The following VWA5B1 variants were observed in gnomAD, a reference collection of about 807,000 sequenced individuals.
VWA5B1 encodes von Willebrand factor A domain containing 5B1, also known as von Willebrand factor A domain-containing protein 5B1.
Under a neutral mutation model 118.2 loss-of-function variants are expected in VWA5B1, and 115 were observed. That is an observed-to-expected ratio of 0.97 (90% CI 0.84 to 1.14). The LOEUF is 1.14. Among genes scored for constraint, VWA5B1 ranks in the 50% most tolerant of loss-of-function variants. The pLI is 0.00. For missense variants in VWA5B1, 1,596 were observed against 1,603.8 expected, an observed-to-expected ratio of 1.00 and a Z score of 0.08; for synonymous variants, 682 against 658.4, an observed-to-expected ratio of 1.04 and a Z score of -0.55.
At position 20,357,636 on chromosome 1, in the gene VWA5B1, C is replaced by T. The variant is rs144560769; in HGVS notation, c.*3373C>T. Reference sequence around the variant, plus strand: ...CACAGTGAACATACGAGGTGCTGTCCCTGTCCTTTTTGGAGCTTGGCAAGG... The same window carrying T: ...CACAGTGAACATACGAGGTGCTGTCTCTGTCCTTTTTGGAGCTTGGCAAGG... On this transcript the variant is annotated 3_prime_UTR_variant, in exon 22 of 22. Transcript: ENST00000289815. Among the ~76,000 whole-genome samples the T allele has an allele frequency of 6.6e-6, 1 of 152,236 alleles. No homozygotes were observed. Among genetic ancestry groups the T allele is most frequent in the East Asian group, 1.9e-4 (1 of 5,174 alleles).
At chr1:20,300,185 G>A (rs933378371) in intron 1 of VWA5B1, among the ~76,000 whole-genome samples, 20 of 152,118 alleles carry the variant, frequency 1.3e-4, no homozygotes, top group African/African-American at 4.8e-4. Context: ...GGTCTTTCTG[G>A]GGATTCAGTG....
At chr1:20,340,954 G>A (rs1557438373) in intron 14 of VWA5B1, among the ~76,000 whole-genome samples, 1 of 152,070 alleles carries the variant, frequency 6.6e-6, no homozygotes, top group African/African-American at 2.4e-5. Context: ...AACAGTGCAA[G>A]GTATTTATTT....
intron 1 of VWA5B1, among the ~76,000 whole-genome samples, chr1:20,295,091 T>G (rs1371655514): frequency 6.6e-6 from 1 of 151,816 alleles, no homozygotes; most frequent in Non-Finnish European, 1.5e-5. Context: ...CACTCCTAGA[T>G]AAAGGGGTGG....
chr1:20,327,363 G>A (rs115382017), intron 8 of VWA5B1, among the ~76,000 whole-genome samples: 2,339 of 152,282 alleles, frequency 0.015, 58 homozygotes, highest in African/African-American at 0.052. Context: ...AATATGAGCT[G>A]AAGAGACTGC....
chr1:20,328,325 C>T (rs928312170), intron 9 of VWA5B1, among the ~76,000 whole-genome samples: 2 of 152,080 alleles, frequency 1.3e-5, no homozygotes, highest in South Asian at 4.2e-4. Flanking sequence ...CTGAAGCCTC[C>T]GTTTCACAAG....
chr1:20,335,026 G>A (rs2089672741), intron 12 of VWA5B1, among the ~76,000 whole-genome samples: 1 of 151,716 alleles, frequency 6.6e-6, no homozygotes, highest in Non-Finnish European at 1.5e-5. Context: ...GAATGGTTGA[G>A]GCCAGGCCAT....
At chr1:20,331,081 C>A in intron 11 of VWA5B1, 98 bp downstream of exon 11, 1 of 993,038 alleles carries the variant, frequency 1.0e-6, no homozygotes, top group Non-Finnish European at 1.5e-6. Flanking sequence ...GATGACACCC[C>A]AAATCTGAGC....
At chr1:20,337,357 G>A (rs2089747569) in intron 13 of VWA5B1, among the ~76,000 whole-genome samples, 1 of 152,106 alleles carries the variant, frequency 6.6e-6, no homozygotes, top group East Asian at 1.9e-4. Context: ...GGAACTCCTG[G>A]CCTCAAATGA....
At chr1:20,324,069 C>T (rs2089303115) in intron 8 of VWA5B1, among the ~76,000 whole-genome samples, 1 of 152,240 alleles carries the variant, frequency 6.6e-6, no homozygotes, top group Non-Finnish European at 1.5e-5. Context: ...GACATCAGAG[C>T]TTCAGTGGAC....
intron 8 of VWA5B1, among the ~76,000 whole-genome samples, chr1:20,325,323 T>C (rs2089345141): frequency 6.6e-6 from 1 of 152,254 alleles, no homozygotes; most frequent in Non-Finnish European, 1.5e-5. Flanking sequence ...CGATTTGCTC[T>C]GTGACTGTGG....
intron 3 of VWA5B1, among the ~76,000 whole-genome samples, chr1:20,313,291 A>G (rs1375733883): frequency 1.3e-5 from 2 of 152,266 alleles, no homozygotes; most frequent in Admixed American, 1.3e-4. Context: ...GAACAGAATA[A>G]CATATCTTTT....
rs370112070 is a variant in VWA5B1 at position 20,319,443 on chromosome 1, G to A, written c.903G>A (p.Gln301=). 6.4e-7 allele frequency: 1 copy of A among 1,551,798 alleles called. No individual in the cohort carries two copies. The highest frequency in any genetic ancestry group is 1.2e-5 in the South Asian group (1 of 84,060). ...ACATGACCCTGGGAGAGTTTGACCA[G>A]CACTTGAAGGGAAGAACAGATTTCA... ...KGDMTLGEFD[Q]HLKGRTDFIK... The change falls in exon 7 of 22, where the codon CAG becomes CAA. Residue 301 remains glutamine, a synonymous_variant. Coordinates refer to ENST00000289815, the MANE Select transcript of VWA5B1 (RefSeq NM_001039500.3).
intron 14 of VWA5B1, among the ~76,000 whole-genome samples, chr1:20,339,638 C>T (rs1365386114): frequency 6.6e-6 from 1 of 152,100 alleles, no homozygotes; most frequent in Non-Finnish European, 1.5e-5. Context: ...TTTCACTCTC[C>T]CTATATGCCC....
At chr1:20,339,523 C>CAG (rs1318220680) in intron 14 of VWA5B1, among the ~76,000 whole-genome samples, 2 of 152,118 alleles carry the variant, frequency 1.3e-5, no homozygotes, top group Middle Eastern at 3.2e-3. Context: ...GCCTGGGAGA[C>CAG]AGAGAGAGAG....
rs546267627 is a variant in VWA5B1 at position 20,322,336 on chromosome 1, C to T, written c.967-1020C>T. Among the ~76,000 whole-genome samples the T allele has an allele frequency of 9.2e-5, 14 of 151,904 alleles. No homozygotes were observed. The South Asian group carries it at 2.9e-3, about 32-fold the overall frequency. ...ACACAGAGACAGCCAGATAAGGAGA[C>T]AGAGAGAGAAAGTCGGGGTGGAAAG... is the stretch of plus-strand genomic sequence containing the variant. On this transcript the variant is annotated intron_variant, in intron 7 of 21. Coordinates refer to ENST00000289815, the MANE Select transcript of VWA5B1 (RefSeq NM_001039500.3).
chr1:20,300,489 G>A (rs1350267465), intron 1 of VWA5B1, among the ~76,000 whole-genome samples: 1 of 152,182 alleles, frequency 6.6e-6, no homozygotes, highest in Non-Finnish European at 1.5e-5. Context: ...TATTCATTCA[G>A]CAAATAAGTA....
chr1:20,337,842 C>A lies in VWA5B1; in HGVS notation c.2133+6C>A. ...GGTGGCAGATTGATTTGCAGGTACC[C>A]AAGCAGGACAGATTAGGGAGGAGCT... On this transcript the variant is annotated splice_donor_region_variant and intron_variant, in intron 14 of 21. Coordinates refer to ENST00000289815, the MANE Select transcript of VWA5B1 (RefSeq NM_001039500.3). 1.3e-6 allele frequency: 2 copies of A among 1,551,450 alleles called. No individual in the cohort carries two copies. The highest frequency in any genetic ancestry group is 1.2e-5 in the South Asian group (1 of 83,984).
chr1:20,324,643 C>A (rs2089323060), intron 8 of VWA5B1, among the ~76,000 whole-genome samples: 1 of 152,102 alleles, frequency 6.6e-6, no homozygotes, highest in Non-Finnish European at 1.5e-5. Flanking sequence ...TCTGCCGTCA[C>A]CTGAAATTTC....
At chr1:20,326,627 G>A (rs1025560044) in intron 8 of VWA5B1, among the ~76,000 whole-genome samples, 3 of 151,976 alleles carry the variant, frequency 2.0e-5, no homozygotes, top group East Asian at 1.9e-4. Flanking sequence ...CACCATGCCC[G>A]GCTAATATTT....
Sources: allele counts gnomAD v4.1 joint callset (sites outside exome capture counted in the v4.1 genomes callset), GRCh38; gene constraint gnomAD v4.1.1; transcripts MANE v1.5; gene names NCBI Gene and HGNC (gene_info 2026-07-23, HGNC 2026-07-21).